Variants in PLCL1 observed in about 807,000 individuals in gnomAD.
The protein encoded by PLCL1 is phospholipase C like 1 (inactive), also known as inactive phospholipase C-like protein 1.
Under a neutral mutation model 84.4 loss-of-function variants are expected in PLCL1, and 41 were observed. That is an observed-to-expected ratio of 0.49 (90% CI 0.38 to 0.63). PLCL1 has a LOEUF of 0.63. Among genes scored for constraint, PLCL1 ranks in the 30% least tolerant of loss-of-function variants. The probability of loss-of-function intolerance (pLI) is 0.00; values close to 1 mark genes in which losing one functional copy is unlikely to be tolerated. For synonymous variants in PLCL1, 490 were observed against 488.3 expected (o/e 1.00, Z -0.05); for missense variants, 1,206 against 1,367.8 (o/e 0.88, Z 1.87).
intron 1 of PLCL1, among the ~76,000 whole-genome samples, chr2:197,842,698 T>C (rs189861442): frequency 6.6e-6 from 1 of 152,260 alleles, no homozygotes; most frequent in Non-Finnish European, 1.5e-5. Context: ...TTGATTCCTT[T>C]CTCAGATCCA....
chr2:197,943,627 C>CTTTTTTTTTTTTTTTT (rs5837573), intron 1 of PLCL1, among the ~76,000 whole-genome samples: 12 of 119,186 alleles, frequency 1.0e-4, no homozygotes, highest in Non-Finnish European at 1.2e-4. Flanking sequence ...TTGGTTACAT[C>CTTTTTTTTTTTTTTTT]TTTTTTTTTT....
chr2:198,085,539 G>A lies in PLCL1; in HGVS notation c.2022G>A (p.Pro674=), dbSNP rs558973603. The A allele has an allele frequency of 5.6e-6, 9 of 1,613,734 alleles. No homozygotes were observed. In the South Asian group the frequency reaches 7.7e-5, roughly 14 times the overall value. ...CQIVAMNFQT[P]GPMMDLHTGW... is the part of the protein sequence containing the mutation. ...TTGTAGCAATGAATTTTCAGACTCC[G>A]GGTCCAATGATGGACCTTCACACGG... Residue 674 remains proline, a synonymous_variant, in exon 2 of 6, where the codon CCG becomes CCA. Coordinates refer to ENST00000428675, the MANE Select transcript of PLCL1 (RefSeq NM_006226.4). The surrounding 1 kb of genome is among the most constrained non-coding windows in gnomAD (Gnocchi z 5.3).
chr2:198,092,973 C>T (rs1693085437), intron 3 of PLCL1, among the ~76,000 whole-genome samples: 1 of 152,186 alleles, frequency 6.6e-6, no homozygotes, highest in Admixed American at 6.5e-5. Flanking sequence ...CATCCTATAA[C>T]TGAACATGTT....
chr2:197,892,481 A>C (rs1410994042), intron 1 of PLCL1, among the ~76,000 whole-genome samples: 4 of 152,190 alleles, frequency 2.6e-5, no homozygotes, highest in Non-Finnish European at 4.4e-5. Flanking sequence ...CTGGGCTTTA[A>C]GTGGCTACTT....
chr2:198,094,476 G>A (rs1323860468), intron 3 of PLCL1, among the ~76,000 whole-genome samples: 1 of 150,822 alleles, frequency 6.6e-6, no homozygotes, highest in Non-Finnish European at 1.5e-5. Flanking sequence ...TGACGTGGCA[G>A]AATTTCAGAA....
At chr2:198,045,332 C>T (rs1003135418) in intron 1 of PLCL1, among the ~76,000 whole-genome samples, 3 of 152,144 alleles carry the variant, frequency 2.0e-5, no homozygotes, top group African/African-American at 7.2e-5. Flanking sequence ...TTGCTTTAAT[C>T]TCCCAGTGTT....
intron 1 of PLCL1, among the ~76,000 whole-genome samples, chr2:198,069,267 G>A (rs1553515758): frequency 6.6e-6 from 1 of 151,754 alleles, no homozygotes; most frequent in Non-Finnish European, 1.5e-5. Flanking sequence ...GAGGCGGGAG[G>A]ATCACTTGAG....
rs185964737 is a variant in PLCL1 at position 197,950,348 on chromosome 2, G to C, written c.241-133410G>C. 2.0e-5 allele frequency among the ~76,000 whole-genome samples: 3 copies of C among 152,212 alleles called. No homozygotes were observed. In the South Asian group the frequency reaches 6.2e-4, roughly 32 times the overall value. ...CACAGCTGGGGGTCTCTCGTACCCC[G>C]TCCAGCACCTGAATTCAGCCAGACC... On this transcript the variant is annotated intron_variant, in intron 1 of 5. Coordinates refer to ENST00000428675, the MANE Select transcript of PLCL1 (RefSeq NM_006226.4).
Position 197,897,191 on chromosome 2 carries a change from C to CTT in PLCL1, c.240+91852_240+91853insTT, listed in dbSNP as rs1688165568. Reference sequence around the variant, plus strand: ...TTCTTCTTCTTCTTCTTCTTCTTCTCCTTCTCCTTCTTCTTTCTTCTTCCT... The same window carrying CTT: ...TTCTTCTTCTTCTTCTTCTTCTTCTCTTCTTCTCCTTCTTCTTTCTTCTTCCT... On this transcript the variant is annotated intron_variant, in intron 1 of 5. Coordinates refer to ENST00000428675, the MANE Select transcript of PLCL1 (RefSeq NM_006226.4). 5.3e-4 allele frequency among the ~76,000 whole-genome samples: 17 copies of CTT among 32,236 alleles called. 1 individual carries two copies. Among genetic ancestry groups the CTT allele is most frequent in the South Asian group, 2.2e-3 (2 of 910 alleles). 21.1% of individuals were successfully genotyped at this position (32,236 alleles called of 152,430 possible). A position where few individuals can be genotyped will look rare whatever the true frequency, so the allele number is the denominator to read the frequency against.
chr2:197,811,362 T>C (rs1331139238), intron 1 of PLCL1, among the ~76,000 whole-genome samples: 1 of 152,224 alleles, frequency 6.6e-6, no homozygotes, highest in Non-Finnish European at 1.5e-5. Context: ...TTGGATTTCA[T>C]TTGTAGTTTT....
chr2:197,952,956 G>A (rs937867035), intron 1 of PLCL1, among the ~76,000 whole-genome samples: 32 of 152,090 alleles, frequency 2.1e-4, no homozygotes, highest in African/African-American at 7.7e-4. Flanking sequence ...TCTTGGGTAT[G>A]TTTTTATCAG....
intron 1 of PLCL1, among the ~76,000 whole-genome samples, chr2:198,072,998 G>A (rs996586398): frequency 2.6e-5 from 4 of 152,066 alleles, no homozygotes; most frequent in Non-Finnish European, 5.9e-5. Flanking sequence ...AATCAGGCTA[G>A]GAATTATATT....
intron 1 of PLCL1, among the ~76,000 whole-genome samples, chr2:198,049,560 C>A: frequency 6.6e-6 from 1 of 152,112 alleles, no homozygotes; most frequent in East Asian, 1.9e-4. Context: ...TATAGCTTAA[C>A]CATAAATTTT....
chr2:197,913,539 A>G (rs1338297127), intron 1 of PLCL1, among the ~76,000 whole-genome samples: 1 of 152,218 alleles, frequency 6.6e-6, no homozygotes, highest in Non-Finnish European at 1.5e-5. Flanking sequence ...TCCACTACGC[A>G]TTCCCCTACC....
chr2:198,127,669 A>G (rs989957384), intron 5 of PLCL1, among the ~76,000 whole-genome samples: 43 of 152,172 alleles, frequency 2.8e-4, no homozygotes, highest in Non-Finnish European at 4.4e-5. Flanking sequence ...TGATGTGGTA[A>G]GTTTTCAAAA....
intron 3 of PLCL1, among the ~76,000 whole-genome samples, chr2:198,094,105 A>G (rs1176724515): frequency 6.6e-6 from 1 of 152,062 alleles, no homozygotes; most frequent in East Asian, 1.9e-4. Context: ...TCTGTCGCCC[A>G]GACTGGAGTA....
chr2:198,127,453 G>A (rs529391843), intron 5 of PLCL1, among the ~76,000 whole-genome samples: 1 of 152,130 alleles, frequency 6.6e-6, no homozygotes, highest in Admixed American at 6.5e-5. Flanking sequence ...AAACTTTATT[G>A]GACATAGTTT....
intron 5 of PLCL1, among the ~76,000 whole-genome samples, chr2:198,105,559 G>A (rs1030211467): frequency 2.6e-5 from 4 of 151,106 alleles, no homozygotes; most frequent in Admixed American, 1.3e-4. Context: ...TGAGGTTTTC[G>A]GTGCAGGCAG....
chr2:198,086,928 A>G (rs905485053), intron 2 of PLCL1, among the ~76,000 whole-genome samples: 1 of 152,204 alleles, frequency 6.6e-6, no homozygotes, highest in Non-Finnish European at 1.5e-5. Flanking sequence ...ATATTTGCAT[A>G]TATGATCATG....
Sources: gnomAD v4.1 joint callset for allele counts (sites outside exome capture counted in the v4.1 genomes callset) on GRCh38, gnomAD v4.1.1 for gene constraint, Gnocchi (gnomAD v3.1) non-coding constraint, MANE v1.5 for transcripts, NCBI Gene and HGNC (gene_info 2026-07-23, HGNC 2026-07-21) for gene names.